The following CSMD1 variants were observed in gnomAD, a reference collection of about 807,000 sequenced individuals.
The protein encoded by CSMD1 is CUB and sushi domain-containing protein 1.
CSMD1 carries 213 observed loss-of-function variants against 417.5 expected under a neutral mutation model. The observed-to-expected ratio is 0.51, with a 90% CI of 0.46 to 0.57. The LOEUF (loss-of-function observed/expected upper bound fraction) is 0.57, where lower values mean the gene tolerates loss of function less well. CSMD1 is among the 20% of genes least tolerant of loss of function. CSMD1 has a pLI of 0.00. For missense variants in CSMD1, 6,923 were observed against 4,529.7 expected (o/e 1.53, Z -15.17); for synonymous variants, 2,862 against 1,736.8 (o/e 1.65, Z -16.11).
chr8:4,552,471 G>A (rs552865481), intron 2 of CSMD1, among the ~76,000 whole-genome samples: 3 of 152,186 alleles, frequency 2.0e-5, no homozygotes, highest in Admixed American at 2.0e-4. Flanking sequence ...ACCAAGAACA[G>A]ATTTATTGGG....
chr8:4,800,382 G>C (rs1047880453), intron 1 of CSMD1, among the ~76,000 whole-genome samples: 1 of 146,784 alleles, frequency 6.8e-6, no homozygotes, highest in African/African-American at 2.5e-5. Context: ...AGTGAGCTGA[G>C]ATCAGAGATC....
At chr8:4,035,732 T>C (rs957607652) in intron 3 of CSMD1, among the ~76,000 whole-genome samples, 16 of 152,212 alleles carry the variant, frequency 1.1e-4, no homozygotes, top group Admixed American at 8.5e-4. Context: ...AAGAGTCAAA[T>C]GCTTAAAAAT....
intron 7 of CSMD1, among the ~76,000 whole-genome samples, chr8:3,650,403 G>A (rs1056411843): frequency 1.3e-5 from 2 of 152,086 alleles, no homozygotes; most frequent in Non-Finnish European, 2.9e-5. Flanking sequence ...TTATGACATG[G>A]CAAAAAGTCA....
At chr8:4,380,217 G>C (rs975119997) in intron 3 of CSMD1, among the ~76,000 whole-genome samples, 19 of 152,096 alleles carry the variant, frequency 1.2e-4, no homozygotes, top group African/African-American at 2.4e-4. Context: ...CTACAGTATG[G>C]AAAAAGGACA....
intron 12 of CSMD1, among the ~76,000 whole-genome samples, chr8:3,440,080 G>C (rs1814873870): frequency 6.6e-6 from 1 of 151,992 alleles, no homozygotes; most frequent in East Asian, 1.9e-4. Context: ...AGTGAAATTG[G>C]GTAAGGTGCT....
At chr8:3,781,914 AT>A (rs1246402383) in intron 5 of CSMD1, among the ~76,000 whole-genome samples, 3 of 152,088 alleles carry the variant, frequency 2.0e-5, no homozygotes, top group African/African-American at 7.2e-5. Flanking sequence ...TGGTAGACCC[AT>A]TTAATAAGAA....
At chr8:4,736,715 G>T (rs1487765602) in intron 1 of CSMD1, among the ~76,000 whole-genome samples, 1 of 152,178 alleles carries the variant, frequency 6.6e-6, no homozygotes. Context: ...AAGAAAAAAA[G>T]TTACTGGGAG....
chr8:3,574,006 T>G (rs1800046158), intron 10 of CSMD1, among the ~76,000 whole-genome samples: 1 of 152,168 alleles, frequency 6.6e-6, no homozygotes, highest in Non-Finnish European at 1.5e-5. Flanking sequence ...AACATGATTA[T>G]GAGTATGATT....
At chr8:3,618,198 G>C (rs768580538) in intron 7 of CSMD1, among the ~76,000 whole-genome samples, 15 of 152,216 alleles carry the variant, frequency 9.9e-5, no homozygotes, top group South Asian at 2.1e-4. Flanking sequence ...TAGAGATGGA[G>C]TCTCACTATG....
At chr8:3,650,521 C>G (rs1405062220) in intron 7 of CSMD1, among the ~76,000 whole-genome samples, 1 of 152,126 alleles carries the variant, frequency 6.6e-6, no homozygotes, top group Non-Finnish European at 1.5e-5. Flanking sequence ...AGCCTTCATT[C>G]TCTACTCAGG....
chr8:3,534,019 G>A (rs149542591), intron 10 of CSMD1, among the ~76,000 whole-genome samples: 12 of 152,232 alleles, frequency 7.9e-5, no homozygotes, highest in African/African-American at 2.4e-4. Flanking sequence ...TGCGGAAGAA[G>A]AATATTCTAT....
At chr8:3,714,527 G>C (rs560570881) in intron 6 of CSMD1, among the ~76,000 whole-genome samples, 2 of 129,050 alleles carry the variant, frequency 1.5e-5, no homozygotes, top group South Asian at 2.5e-4. Context: ...TTCAACAGCA[G>C]CCTGGCCAAC....
chr8:3,451,791 C>T (rs571059690), intron 12 of CSMD1, among the ~76,000 whole-genome samples: 8 of 152,214 alleles, frequency 5.3e-5, no homozygotes, highest in East Asian at 1.9e-4. Context: ...ATTGACTTGT[C>T]GATGCGGGCT....
intron 3 of CSMD1, among the ~76,000 whole-genome samples, chr8:4,328,896 T>C (rs1310240210): frequency 6.6e-6 from 1 of 152,220 alleles, no homozygotes; most frequent in African/African-American, 2.4e-5. Flanking sequence ...AACATTCATT[T>C]GTATATATTG....
Position 3,878,303 on chromosome 8 carries a change from T to G in CSMD1, c.818+119600A>C, listed in dbSNP as rs188573695. Among the ~76,000 whole-genome samples, 4 of 152,316 alleles carry G rather than the reference T, an allele frequency of 2.6e-5. No homozygotes were observed. In the East Asian group the frequency reaches 7.7e-4, roughly 29 times the overall value. On this transcript the variant is annotated intron_variant, in intron 5 of 69. Transcript: ENST00000635120. ...AAAATAAATCAATCTCTTCTCCCAGTGTATAATATTCTCTACACTATTCTT... is the reference window on the plus strand; with the variant it reads ...AAAATAAATCAATCTCTTCTCCCAGGGTATAATATTCTCTACACTATTCTT...
intron 3 of CSMD1, among the ~76,000 whole-genome samples, 160 bp from the exon 4 acceptor site, chr8:4,032,259 C>A (rs1348302159): frequency 6.6e-6 from 1 of 152,164 alleles, no homozygotes; most frequent in Non-Finnish European, 1.5e-5. Flanking sequence ...GAGAAAATGT[C>A]TTCAGGTTTT....
chr8:3,727,490 C>A (rs757827832), intron 6 of CSMD1, among the ~76,000 whole-genome samples: 9 of 152,174 alleles, frequency 5.9e-5, no homozygotes, highest in Admixed American at 2.0e-4. Flanking sequence ...GAGTAAGAAG[C>A]TAGAGCTCTC....
chr8:3,934,001 T>C (rs1810319742), intron 5 of CSMD1, among the ~76,000 whole-genome samples: 2 of 152,116 alleles, frequency 1.3e-5, no homozygotes, highest in Admixed American at 1.3e-4. Context: ...ATGGCAAATA[T>C]TCGCCTAAGG....
At chr8:4,570,463 C>G (rs1277869417) in intron 2 of CSMD1, among the ~76,000 whole-genome samples, 1 of 152,126 alleles carries the variant, frequency 6.6e-6, no homozygotes, top group African/African-American at 2.4e-5. Context: ...TTTGAGCTAG[C>G]CTTGCATCCC....
Sources: allele counts gnomAD v4.1 joint callset (sites outside exome capture counted in the v4.1 genomes callset), GRCh38; gene constraint gnomAD v4.1.1; transcripts MANE v1.5; gene names NCBI Gene and HGNC (gene_info 2026-07-23, HGNC 2026-07-21).